Variants in FRMD4A observed in about 807,000 individuals in gnomAD.
The protein encoded by FRMD4A is FERM domain containing 4A, also known as FERM domain-containing protein 4A.
Under a neutral mutation model 129.1 loss-of-function variants are expected in FRMD4A, and 29 were observed. That is an observed-to-expected ratio of 0.22 (90% confidence interval 0.17 to 0.31). The LOEUF is 0.31. Among genes scored for constraint, FRMD4A ranks in the 10% least tolerant of loss-of-function variants. The pLI is 1.00. For synonymous variants in FRMD4A, 634 were observed against 571.6 expected (o/e 1.11, Z -1.56); for missense variants, 1,272 against 1,375.8 (o/e 0.92, Z 1.19).
intron 2 of FRMD4A, among the ~76,000 whole-genome samples, chr10:14,098,012 A>G (rs1255217301): frequency 7.0e-6 from 1 of 142,316 alleles, no homozygotes; most frequent in Non-Finnish European, 1.5e-5. Context: ...TATATAAATT[A>G]TATATTATAT....
At position 13,704,907 on chromosome 10, in the gene FRMD4A, CA is replaced by C. The variant is rs771166757; in HGVS notation, c.836+2129del. 9.3e-3 allele frequency among the ~76,000 whole-genome samples: 1,183 copies of C among 127,352 alleles called. 9 individuals carry two copies. Among genetic ancestry groups the C allele is most frequent in the African/African-American group, 0.028 (955 of 33,828 alleles). The allele number at this position is 127,352 out of a possible 152,430, so 83.5% of individuals were successfully genotyped here. On this transcript the variant is annotated intron_variant, in intron 13 of 24. Coordinates refer to ENST00000357447, the MANE Select transcript of FRMD4A (RefSeq NM_018027.5). ...GCAACACTGTGAGACCCAGTCTCTC[CA>C]AAAAAAAAAAAAAGCTGGGTACGGT...
At chr10:13,662,614 G>GT (rs901441073) in intron 19 of FRMD4A, among the ~76,000 whole-genome samples, 3 of 152,166 alleles carry the variant, frequency 2.0e-5, no homozygotes, top group Admixed American at 6.5e-5. Context: ...GATCAGTTCT[G>GT]TTTTTTTAAG....
intron 14 of FRMD4A, among the ~76,000 whole-genome samples, chr10:13,699,237 T>TTTG (rs1554850837): frequency 1.1e-5 from 1 of 92,230 alleles, no homozygotes; most frequent in African/African-American, 3.7e-5. Flanking sequence ...TTTTTTTTTT[T>TTTG]TTTTTTTTTT....
chr10:13,818,932 C>T (rs775475620), intron 3 of FRMD4A, among the ~76,000 whole-genome samples: 9 of 152,182 alleles, frequency 5.9e-5, no homozygotes, highest in Non-Finnish European at 8.8e-5. Context: ...TTGAGACTAG[C>T]CTGGCCAACA....
At chr10:14,172,241 G>T (rs1359807757) in intron 2 of FRMD4A, among the ~76,000 whole-genome samples, 2 of 152,218 alleles carry the variant, frequency 1.3e-5, no homozygotes, top group East Asian at 3.9e-4. Flanking sequence ...AAAAACTGAA[G>T]GGTTTGAATG....
chr10:14,324,114 GTC>G (rs1843169811), intron 2 of FRMD4A, among the ~76,000 whole-genome samples: 1 of 152,164 alleles, frequency 6.6e-6, no homozygotes. Context: ...GTTTGAGTTA[GTC>G]TCTGTCGATT....
At position 14,174,451 on chromosome 10, in the gene FRMD4A, AG is replaced by A. The variant is rs746945582; in HGVS notation, c.45+155606del. On this transcript the variant is annotated intron_variant, in intron 2 of 24. Coordinates refer to ENST00000357447, the MANE Select transcript of FRMD4A (RefSeq NM_018027.5). ...GGCAGCTCATCCAGGGCAGGAGGCG[AG>A]GGGGGCTGAGCCGGAGCATCCAGCC... is the stretch of plus-strand genomic sequence containing the variant. 3.9e-5 allele frequency among the ~76,000 whole-genome samples: 6 copies of A among 152,164 alleles called. No individual in the cohort carries two copies. The East Asian group carries it at 9.6e-4, about 24-fold the overall frequency.
chr10:13,665,674 G>A (rs2082970367), intron 18 of FRMD4A, among the ~76,000 whole-genome samples: 1 of 152,188 alleles, frequency 6.6e-6, no homozygotes, highest in African/African-American at 2.4e-5. Flanking sequence ...GGGTTGGCGG[G>A]GGCCGCTCGA....
chr10:14,219,589 C>T (rs1983906), intron 2 of FRMD4A, among the ~76,000 whole-genome samples: 46,623 of 152,034 alleles, frequency 0.31, 7,330 homozygotes, highest in Admixed American at 0.35. Flanking sequence ...CAAACCTTTG[C>T]TTTTTCTACT....
At chr10:14,062,330 A>G (rs1208228446) in intron 2 of FRMD4A, among the ~76,000 whole-genome samples, 1 of 152,240 alleles carries the variant, frequency 6.6e-6, no homozygotes. Context: ...AATTTTGTGT[A>G]TCTGATTACA....
Position 13,715,052 on chromosome 10 carries a change from TAA to T in FRMD4A, c.760-7941_760-7940del, listed in dbSNP as rs11308475. On this transcript the variant is annotated intron_variant, in intron 12 of 24. Transcript: ENST00000357447. ...AGACTCCGTCTCAAAAATAAAAAAT[TAA>T]AAAAAAAAATTAGAAGTGCCGCGCT... is the stretch of plus-strand genomic sequence containing the variant. Among the ~76,000 whole-genome samples, 318 of 151,012 alleles carry T rather than the reference TAA, an allele frequency of 2.1e-3. 1 individual carries two copies. Among genetic ancestry groups the T allele is most frequent in the Non-Finnish European group, 7.5e-4 (51 of 67,716 alleles).
intron 15 of FRMD4A, 36 bp from the exon 16 acceptor site, chr10:13,675,080 CA>C: frequency 6.3e-7 from 1 of 1,591,948 alleles, no homozygotes; most frequent in Non-Finnish European, 8.6e-7. Flanking sequence ...GGCCAGCTGA[CA>C]GGGGACACAC....
chr10:14,068,612 A>G (rs1835170576), intron 2 of FRMD4A, among the ~76,000 whole-genome samples: 1 of 152,230 alleles, frequency 6.6e-6, no homozygotes. Flanking sequence ...TCCTTTCCTC[A>G]GTGAAATTAA....
intron 2 of FRMD4A, among the ~76,000 whole-genome samples, chr10:13,976,295 C>T (rs1368467613): frequency 6.6e-6 from 1 of 152,182 alleles, no homozygotes; most frequent in East Asian, 1.9e-4. Flanking sequence ...GCTGGGAGCC[C>T]TAACTCAGTG....
intron 2 of FRMD4A, among the ~76,000 whole-genome samples, chr10:13,866,880 G>A (rs557871761): frequency 5.9e-5 from 9 of 152,224 alleles, no homozygotes; most frequent in East Asian, 5.8e-4. Flanking sequence ...CCTGGGAGGC[G>A]GAGGTTGCAG....
At chr10:13,828,520 C>CTTCTTTCT (rs60375431) in intron 3 of FRMD4A, among the ~76,000 whole-genome samples, 10 of 140,194 alleles carry the variant, frequency 7.1e-5, no homozygotes, top group African/African-American at 2.4e-4. Flanking sequence ...ACCATGTTTT[C>CTTCTTTCT]TTCTTTCTTT....
At chr10:14,071,241 T>C (rs1194474618) in intron 2 of FRMD4A, among the ~76,000 whole-genome samples, 2 of 152,206 alleles carry the variant, frequency 1.3e-5, no homozygotes, top group African/African-American at 4.8e-5. Context: ...TGAAACTACA[T>C]GCCACATTCA....
At chr10:14,146,028 A>G (rs1451074576) in intron 2 of FRMD4A, among the ~76,000 whole-genome samples, 1 of 152,224 alleles carries the variant, frequency 6.6e-6, no homozygotes, top group Non-Finnish European at 1.5e-5. Flanking sequence ...CAAACGGCTT[A>G]GTGGTTAAAA....
chr10:13,834,629 C>T (rs7919526), intron 3 of FRMD4A, among the ~76,000 whole-genome samples: 1,942 of 152,270 alleles, frequency 0.013, 61 homozygotes, highest in South Asian at 0.068. Context: ...AGAGGGAAGA[C>T]GAAATTGATG....
Sources: gnomAD v4.1 joint callset for allele counts (sites outside exome capture counted in the v4.1 genomes callset) on GRCh38, gnomAD v4.1.1 for gene constraint, MANE v1.5 for transcripts, NCBI Gene and HGNC (gene_info 2026-07-23, HGNC 2026-07-21) for gene names.